Variants in NEDD4L observed in about 807,000 individuals in gnomAD.
NEDD4L encodes NEDD4 like E3 ubiquitin protein ligase, also known as E3 ubiquitin-protein ligase NEDD4-like.
A neutral mutation model predicts 148.9 loss-of-function variants in NEDD4L; 54 were observed. That is an observed-to-expected ratio of 0.36 (90% CI 0.29 to 0.45). The LOEUF (loss-of-function observed/expected upper bound fraction) is 0.45. NEDD4L is among the 20% of genes least tolerant of loss of function. NEDD4L has a pLI of 1.00. For synonymous variants in NEDD4L, 433 were observed against 440.7 expected, an observed-to-expected ratio of 0.98 and a Z score of 0.22; for missense variants, 856 against 1,233.8, an observed-to-expected ratio of 0.69 and a Z score of 4.59.
chr18:58,373,723 G>A lies in NEDD4L; in HGVS notation c.2352+454G>A, dbSNP rs139276808. ...TGTGAGGCTCAGCATGGCAGGCTCC[G>A]GTTTTTCTACCATTCCCTCTGCTTT... On this transcript the variant is annotated intron_variant, in intron 24 of 30. Transcript: ENST00000400345. 8.7e-3 allele frequency among the ~76,000 whole-genome samples: 1,323 copies of A among 152,278 alleles called. 22 individuals carry two copies. Among genetic ancestry groups the A allele is most frequent in the African/African-American group, 0.03 (1,250 of 41,546 alleles).
chr18:58,362,548 T>C (rs1222984088), intron 19 of NEDD4L, among the ~76,000 whole-genome samples: 1 of 152,152 alleles, frequency 6.6e-6, no homozygotes, highest in African/African-American at 2.4e-5. Flanking sequence ...GGAAGTCACT[T>C]TTTTAGTTCC....
At chr18:58,116,530 A>G (rs1305773307) in intron 1 of NEDD4L, among the ~76,000 whole-genome samples, 4 of 152,220 alleles carry the variant, frequency 2.6e-5, no homozygotes, top group African/African-American at 9.6e-5. Context: ...ATTTGGGGCC[A>G]GCTCATGGGT....
intron 5 of NEDD4L, among the ~76,000 whole-genome samples, chr18:58,312,638 CCT>C (rs776850180): frequency 6.6e-6 from 1 of 152,124 alleles, no homozygotes; most frequent in South Asian, 2.1e-4. Context: ...TCTCTGATCC[CCT>C]GTTAGATCTC....
chr18:58,276,934 G>A (rs62094558), intron 5 of NEDD4L, among the ~76,000 whole-genome samples: 100 of 151,916 alleles, frequency 6.6e-4, no homozygotes, highest in Admixed American at 1.8e-3. Context: ...GGAGTGGACC[G>A]TGTCCTGCTG....
intron 2 of NEDD4L, among the ~76,000 whole-genome samples, chr18:58,184,455 C>A (rs566186344): frequency 6.6e-6 from 1 of 152,028 alleles, no homozygotes; most frequent in African/African-American, 2.4e-5. Flanking sequence ...TCATGCCGGG[C>A]ACTAGCATCC....
At chr18:58,286,495 A>G (rs180946170) in intron 5 of NEDD4L, among the ~76,000 whole-genome samples, 58 of 152,302 alleles carry the variant, frequency 3.8e-4, no homozygotes, top group Admixed American at 2.7e-3. Flanking sequence ...GTCTGTATTA[A>G]TGGGTGTGTT....
chr18:58,360,888 C>A (rs181424766), intron 19 of NEDD4L, among the ~76,000 whole-genome samples: 346 of 152,190 alleles, frequency 2.3e-3, no homozygotes, highest in Non-Finnish European at 4.3e-3. Flanking sequence ...GGTTCATGCA[C>A]CCCCAGTCAG....
intron 22 of NEDD4L, among the ~76,000 whole-genome samples, chr18:58,368,577 G>A (rs1310810754): frequency 6.6e-6 from 1 of 152,174 alleles, no homozygotes; most frequent in Non-Finnish European, 1.5e-5. Flanking sequence ...AGGGAGAGTA[G>A]GATTTGAGAT....
At chr18:58,263,033 T>C (rs2049668936) in intron 5 of NEDD4L, among the ~76,000 whole-genome samples, 1 of 152,204 alleles carries the variant, frequency 6.6e-6, no homozygotes, top group Non-Finnish European at 1.5e-5. Context: ...ATTAAATCTC[T>C]GTGAAGGGAC....
chr18:58,374,502 T>G (rs17064913), intron 24 of NEDD4L, among the ~76,000 whole-genome samples: 2,966 of 151,520 alleles, frequency 0.02, 103 homozygotes, highest in African/African-American at 0.069. Context: ...TTGTGCTTTA[T>G]GCCTGAGAAT....
At chr18:58,156,134 T>C (rs576248826) in intron 1 of NEDD4L, among the ~76,000 whole-genome samples, 1 of 152,328 alleles carries the variant, frequency 6.6e-6, no homozygotes, top group African/African-American at 2.4e-5. Flanking sequence ...TCTTATGTAG[T>C]TCTTCTCTTC....
At chr18:58,232,540 C>G (rs149498604) in intron 2 of NEDD4L, among the ~76,000 whole-genome samples, 1,787 of 152,272 alleles carry the variant, frequency 0.012, 31 homozygotes, top group African/African-American at 0.041. Context: ...CCCAGGGGTT[C>G]CAAACATGGG....
At chr18:58,187,070 A>T (rs961481361) in intron 2 of NEDD4L, among the ~76,000 whole-genome samples, 1 of 152,244 alleles carries the variant, frequency 6.6e-6, no homozygotes, top group Non-Finnish European at 1.5e-5. Flanking sequence ...AGCAGCAGGC[A>T]GTGGAGAAGG....
intron 19 of NEDD4L, among the ~76,000 whole-genome samples, chr18:58,357,631 C>T (rs568893068): frequency 1.3e-5 from 2 of 152,012 alleles, no homozygotes; most frequent in Non-Finnish European, 2.9e-5. Flanking sequence ...TAAATGTATG[C>T]CAAAAGTTTA....
chr18:58,287,729 G>A (rs1417846107), intron 5 of NEDD4L, among the ~76,000 whole-genome samples: 1 of 152,092 alleles, frequency 6.6e-6, no homozygotes, highest in African/African-American at 2.4e-5. Context: ...CAACTTTAGA[G>A]ACAATGGAAT....
intron 1 of NEDD4L, among the ~76,000 whole-genome samples, chr18:58,133,140 G>A (rs996533233): frequency 4.6e-5 from 7 of 152,208 alleles, no homozygotes; most frequent in African/African-American, 1.7e-4. Context: ...GTAACAGCTG[G>A]GAATTGGATG....
intron 2 of NEDD4L, among the ~76,000 whole-genome samples, chr18:58,205,473 A>G (rs2041884417): frequency 6.6e-6 from 1 of 151,888 alleles, no homozygotes; most frequent in African/African-American, 2.4e-5. Context: ...AGCTTGGGCT[A>G]TTTTGACTAG....
At chr18:58,303,711 TTC>T (rs1157487107) in intron 5 of NEDD4L, among the ~76,000 whole-genome samples, 2 of 152,324 alleles carry the variant, frequency 1.3e-5, no homozygotes, top group Middle Eastern at 3.4e-3. Context: ...GGATGTAACT[TTC>T]TTCAAATTAA....
intron 1 of NEDD4L, among the ~76,000 whole-genome samples, chr18:58,147,035 G>A (rs779379876): frequency 6.6e-5 from 10 of 152,314 alleles, no homozygotes; most frequent in South Asian, 2.1e-4. Context: ...CCCAGGATGC[G>A]TTCTCAGGCT....
Sources: gnomAD v4.1 joint callset for allele counts (sites outside exome capture counted in the v4.1 genomes callset) on GRCh38, gnomAD v4.1.1 for gene constraint, MANE v1.5 for transcripts, NCBI Gene and HGNC (gene_info 2026-07-23, HGNC 2026-07-21) for gene names.